Variants in NCALD observed in about 807,000 individuals in gnomAD.
NCALD encodes the protein neurocalcin-delta.
In NCALD, 10 loss-of-function variants were observed where a neutral mutation model predicts 18.6. That is an observed-to-expected ratio of 0.54 (90% CI 0.33 to 0.91). The LOEUF is 0.91. Among genes scored for constraint, NCALD ranks in the 40% least tolerant of loss-of-function variants. The pLI, the probability that NCALD is intolerant of heterozygous loss-of-function variation, is 0.03. For synonymous variants in NCALD, 88 were observed against 87.4 expected, an observed-to-expected ratio of 1.01 and a Z score of -0.04; for missense variants, 184 against 247.6, an observed-to-expected ratio of 0.74 and a Z score of 1.72.
At chr8:102,095,002 C>A (rs61259105) in intron 1 of NCALD, among the ~76,000 whole-genome samples, 4 of 152,120 alleles carry the variant, frequency 2.6e-5, no homozygotes. Flanking sequence ...TAAAGGAATA[C>A]AATTCTGTTG....
At chr8:101,988,792 T>C (rs1820925021) in intron 2 of NCALD, among the ~76,000 whole-genome samples, 1 of 151,492 alleles carries the variant, frequency 6.6e-6, no homozygotes, top group Non-Finnish European at 1.5e-5. Context: ...CTAGAGGACA[T>C]TTAGACTCTA....
chr8:101,830,015 G>T (rs1318102992), intron 4 of NCALD, among the ~76,000 whole-genome samples: 1 of 120,542 alleles, frequency 8.3e-6, no homozygotes. Flanking sequence ...CTCAAAAGAA[G>T]CTGCTAAATA....
intron 3 of NCALD, among the ~76,000 whole-genome samples, chr8:101,904,370 G>GGA (rs1477294867): frequency 6.6e-6 from 1 of 151,932 alleles, no homozygotes; most frequent in Non-Finnish European, 1.5e-5. Context: ...GAAATAAAAG[G>GGA]TCTTCCTTCC....
chr8:102,092,201 C>T (rs550019903), intron 1 of NCALD, among the ~76,000 whole-genome samples: 1 of 152,312 alleles, frequency 6.6e-6, no homozygotes, highest in Non-Finnish European at 1.5e-5. Flanking sequence ...AGGGCCATGA[C>T]AGTTTGCAAA....
intron 1 of NCALD, among the ~76,000 whole-genome samples, chr8:101,770,390 T>A (rs1811534403): frequency 6.6e-6 from 1 of 152,200 alleles, no homozygotes; most frequent in Admixed American, 6.5e-5. Flanking sequence ...GTAGCAAGAT[T>A]ATTGTAAATT....
chr8:101,807,248 A>C (rs1813138031), intron 4 of NCALD, among the ~76,000 whole-genome samples: 1 of 152,170 alleles, frequency 6.6e-6, no homozygotes, highest in Non-Finnish European at 1.5e-5. Flanking sequence ...TCACAAATGC[A>C]TATTTCTTCT....
chr8:101,728,459 A>G lies in NCALD; in HGVS notation c.-19-8811T>C, dbSNP rs149129849. Among the ~76,000 whole-genome samples, 796 of 152,368 alleles carry G rather than the reference A, an allele frequency of 5.2e-3. 5 individuals carry two copies. The highest frequency in any genetic ancestry group is 0.018 in the African/African-American group (746 of 41,586). On this transcript the variant is annotated intron_variant, in intron 1 of 3. Transcript: ENST00000220931. ...TGGAATTTGCAAGAATCGAGCAGCT[A>G]AAGACAAGCTTGGCTGCAACAAGGA...
intron 3 of NCALD, among the ~76,000 whole-genome samples, chr8:101,906,203 T>C (rs1284616701): frequency 6.6e-6 from 1 of 152,198 alleles, no homozygotes; most frequent in African/African-American, 2.4e-5. Flanking sequence ...CTTTTTGAAC[T>C]CTAATCCCTT....
At chr8:102,115,506 A>C (rs890304147) in intron 1 of NCALD, among the ~76,000 whole-genome samples, 5 of 152,168 alleles carry the variant, frequency 3.3e-5, no homozygotes, top group Admixed American at 2.0e-4. Context: ...CCTGGAGTGG[A>C]CTTTTCTGAT....
At chr8:101,811,531 G>T (rs1460454051) in intron 4 of NCALD, among the ~76,000 whole-genome samples, 1 of 152,162 alleles carries the variant, frequency 6.6e-6, no homozygotes, top group African/African-American at 2.4e-5. Flanking sequence ...GTGATAATTT[G>T]TTATAACAGC....
At chr8:101,955,852 T>C (rs2131829497) in intron 2 of NCALD, among the ~76,000 whole-genome samples, 1 of 152,286 alleles carries the variant, frequency 6.6e-6, no homozygotes, top group African/African-American at 2.4e-5. Flanking sequence ...TCTAATTTCC[T>C]AATATTGATC....
intron 2 of NCALD, among the ~76,000 whole-genome samples, chr8:102,005,257 C>G (rs1330947738): frequency 6.6e-6 from 1 of 152,150 alleles, no homozygotes; most frequent in Non-Finnish European, 1.5e-5. Flanking sequence ...ATTTATGCAG[C>G]CAAAAGACAC....
intron 2 of NCALD, among the ~76,000 whole-genome samples, chr8:101,992,405 TA>T (rs1821081730): frequency 6.6e-6 from 1 of 152,186 alleles, no homozygotes; most frequent in Non-Finnish European, 1.5e-5. Context: ...TAAGAAATAT[TA>T]AAATACACAA....
intron 4 of NCALD, among the ~76,000 whole-genome samples, chr8:101,802,169 A>T (rs1812894147): frequency 6.7e-6 from 1 of 150,296 alleles, no homozygotes; most frequent in Non-Finnish European, 1.5e-5. Context: ...TATGGTGATC[A>T]GTAATCAGTA....
intron 2 of NCALD, among the ~76,000 whole-genome samples, chr8:102,018,073 T>C (rs1309893471): frequency 1.3e-5 from 2 of 152,164 alleles, no homozygotes; most frequent in African/African-American, 4.8e-5. Context: ...TTACAAACAA[T>C]GATAATACCA....
chr8:101,857,102 G>T (rs1169120078), intron 4 of NCALD, among the ~76,000 whole-genome samples: 4 of 152,164 alleles, frequency 2.6e-5, no homozygotes, highest in African/African-American at 7.2e-5. Context: ...TTCCAGAATT[G>T]CTTATGAACC....
chr8:101,734,511 G>A lies in NCALD; in HGVS notation c.-19-14863C>T, dbSNP rs146203018. Among the ~76,000 whole-genome samples, 52 of 152,316 alleles carry A rather than the reference G, an allele frequency of 3.4e-4. No homozygotes were observed. The South Asian group carries it at 4.3e-3, about 13-fold the overall frequency. The stretch of plus-strand genomic sequence containing the variant: ...GCACCTAACGCCATTCCTGACAGAT[G>A]CTTAATAAGCATTTATTGTCATTGA... On this transcript the variant is annotated intron_variant, in intron 1 of 3. Coordinates refer to ENST00000220931, the MANE Select transcript of NCALD (RefSeq NM_032041.3).
At chr8:102,003,840 A>G in intron 2 of NCALD, among the ~76,000 whole-genome samples, 1 of 152,228 alleles carries the variant, frequency 6.6e-6, no homozygotes, top group Non-Finnish European at 1.5e-5. Context: ...CCTTCATGCT[A>G]AAACCTCTCA....
intron 1 of NCALD, among the ~76,000 whole-genome samples, chr8:102,047,824 A>G (rs1248238732): frequency 1.3e-5 from 2 of 152,176 alleles, no homozygotes; most frequent in Non-Finnish European, 2.9e-5. Context: ...TTCTAAAACC[A>G]AATGTCTCTG....
Sources: gnomAD v4.1 joint callset for allele counts (sites outside exome capture counted in the v4.1 genomes callset) on GRCh38, gnomAD v4.1.1 for gene constraint, MANE v1.5 for transcripts, NCBI Gene and HGNC (gene_info 2026-07-23, HGNC 2026-07-21) for gene names.